Variants in NFATC2IP observed in about 807,000 individuals in gnomAD.
NFATC2IP encodes the protein nuclear factor of activated T cells 2 interacting protein.
In NFATC2IP, 25 loss-of-function variants were observed where a neutral mutation model predicts 40.2. That is an observed-to-expected ratio of 0.62 (90% CI 0.45 to 0.87). The LOEUF (loss-of-function observed/expected upper bound fraction) is 0.87, where lower values mean the gene tolerates loss of function less well. Ranked by LOEUF, NFATC2IP falls within the 40% of genes least tolerant of loss-of-function variation. The probability of loss-of-function intolerance (pLI) is 0.00; values close to 1 mark genes in which losing one functional copy is unlikely to be tolerated. For synonymous variants in NFATC2IP, 241 were observed against 236.3 expected (o/e 1.02, Z -0.18); for missense variants, 553 against 555.6 (o/e 1.00, Z 0.05).
chr16:28,963,875 C>G lies in NFATC2IP; in HGVS notation c.*12C>G, dbSNP rs1965115523. The G allele has an allele frequency of 1.2e-6, 2 of 1,613,650 alleles. No individual in the cohort carries two copies. Among genetic ancestry groups the G allele is most frequent in the South Asian group, 1.1e-5 (1 of 91,056 alleles). On this transcript the variant is annotated 3_prime_UTR_variant, in exon 8 of 8. Transcript: ENST00000320805. ...AGGTCTGGGGCTGACACCCCACTCC[C>G]TGTTTGACGGCCCAGCCTGGACTTG...
At position 28,954,693 on chromosome 16, in the gene NFATC2IP, C is replaced by G. The variant is rs1409964170; in HGVS notation, c.578+11C>G. ...AAAGACAGAGTTTCTGTGAGTGAGGCCAGGGCCCTTGGGCCCTGGGAGCAG... is the reference window on the plus strand; with the variant it reads ...AAAGACAGAGTTTCTGTGAGTGAGGGCAGGGCCCTTGGGCCCTGGGAGCAG... On this transcript the variant is annotated intron_variant, in intron 3 of 7. Transcript: ENST00000320805. 9 of 1,575,734 alleles carry G rather than the reference C, an allele frequency of 5.7e-6. No individual in the cohort carries two copies. Among genetic ancestry groups the G allele is most frequent in the Non-Finnish European group, 7.8e-6 (9 of 1,146,752 alleles).
chr16:28,952,104 G>A, intron 1 of NFATC2IP, 28 bp from the exon 2 acceptor site: 1 of 1,613,512 alleles, frequency 6.2e-7, no homozygotes, highest in South Asian at 1.1e-5. Context: ...ACTTGGGCCT[G>A]ACCCCTCTCC....
Position 28,966,465 on chromosome 16 carries a change from A to C in NFATC2IP, c.*2602A>C, listed in dbSNP as rs949871349. ...CTCTTAAAAAAAAAAAAAAAAAAAA[A>C]TGAGAGAAATCGGCTGGGCATGGTT... On this transcript the variant is annotated 3_prime_UTR_variant, in exon 8 of 8. Transcript: ENST00000320805. The C allele has an allele frequency of 6.8e-6, 1 of 147,238 alleles. No homozygotes were observed. The highest frequency in any genetic ancestry group is 1.5e-5 in the Non-Finnish European group (1 of 66,536). 9.1% of individuals were successfully genotyped at this position (147,238 alleles called of 1,614,324 possible).
rs550207522 is a variant in NFATC2IP at position 28,954,223 on chromosome 16, C to T, written c.461-342C>T. Among the ~76,000 whole-genome samples, 30 of 152,172 alleles carry T rather than the reference C, an allele frequency of 2.0e-4. 1 individual carries two copies. Among genetic ancestry groups the T allele is most frequent in the African/African-American group, 6.7e-4 (28 of 41,522 alleles). The stretch of plus-strand genomic sequence containing the variant: ...GTTCAGAGCCACTGATCTAGGGTTT[C>T]TTATCATTTTTTAATTTTCACAGTA... On this transcript the variant is annotated intron_variant, in intron 2 of 7. Coordinates refer to ENST00000320805, the MANE Select transcript of NFATC2IP (RefSeq NM_032815.4).
In NFATC2IP at chr16:28,967,002, A is replaced by G. The variant is rs937920657; in HGVS notation, c.*3139A>G. On this transcript the variant is annotated 3_prime_UTR_variant, in exon 8 of 8. Coordinates refer to ENST00000320805, the MANE Select transcript of NFATC2IP (RefSeq NM_032815.4). ...AATCCACGACATGGTACAGCTCTTC[A>G]CTTTTTCAGCTTTTTAAATGTCCAT... is the stretch of plus-strand genomic sequence containing the variant. The G allele has an allele frequency of 1.3e-5, 2 of 152,192 alleles. No homozygotes were observed. The highest frequency in any genetic ancestry group is 4.8e-5 in the African/African-American group (2 of 41,446). 9.4% of individuals were successfully genotyped at this position (152,192 alleles called of 1,614,324 possible).
intron 7 of NFATC2IP, 51 bp from the exon 8 acceptor site, chr16:28,963,654 T>A (rs757571825): frequency 6.4e-7 from 1 of 1,565,484 alleles, no homozygotes; most frequent in African/African-American, 1.4e-5. Context: ...CCCTACGGGA[T>A]CCCCGCCCCC....
chr16:28,965,076 G>A lies in NFATC2IP; in HGVS notation c.*1213G>A, dbSNP rs1309142767. ...TTTCTCCTTATCCTTGCCAGCACTT[G>A]TATTGCCAGACTACCTAATTTTTGC... On this transcript the variant is annotated 3_prime_UTR_variant, in exon 8 of 8. Transcript: ENST00000320805. The A allele has an allele frequency of 6.6e-6, 1 of 152,164 alleles. No individual in the cohort carries two copies. The highest frequency in any genetic ancestry group is 6.6e-5 in the Admixed American group (1 of 15,256). 9.4% of individuals were successfully genotyped at this position (152,164 alleles called of 1,614,324 possible).
intron 3 of NFATC2IP, among the ~76,000 whole-genome samples, chr16:28,955,659 C>T (rs970770170): frequency 5.3e-5 from 8 of 152,016 alleles, no homozygotes; most frequent in Non-Finnish European, 8.8e-5. Flanking sequence ...AGTGCAGTGG[C>T]GTGATCATAG....
chr16:28,951,318 C>A lies in NFATC2IP; in HGVS notation c.307C>A (p.Pro103Thr). 1 of 1,406,022 alleles carries A rather than the reference C, an allele frequency of 7.1e-7. No individual in the cohort carries two copies. 87.1% of individuals were successfully genotyped at this position (1,406,022 alleles called of 1,614,324 possible). A position where few individuals can be genotyped will look rare whatever the true frequency, so the allele number is the denominator to read the frequency against. ...GGAGGACAGGCGGCCCGCAGGACCC[C>A]CGCGGGAGCCGGTCAGGCGGCGGCG... ...EGEDRRPAGP[P>T]REPVRRRRRL... Residue 103 changes from proline (P) to threonine (T), a missense_variant, in exon 1 of 8, where the codon CCG (proline) becomes ACG (threonine). Transcript: ENST00000320805.
rs150051038 is a variant in NFATC2IP, at chr16:28,956,314, C to T, written c.823C>T (p.Leu275=). ...ACTCAAAATCCGTTGCCGGGCTGACCTGGTCAGATTGCCCCTCAGGATGGT... is the reference window on the plus strand; with the variant it reads ...ACTCAAAATCCGTTGCCGGGCTGACTTGGTCAGATTGCCCCTCAGGATGGT... ...FPLKIRCRAD[L]VRLPLRMSEP... is the part of the protein sequence containing the mutation. The change falls in exon 5 of 8, where the codon CTG becomes TTG. Residue 275 remains leucine (L), a synonymous_variant. Coordinates refer to ENST00000320805, the MANE Select transcript of NFATC2IP (RefSeq NM_032815.4). 9 of 1,613,896 alleles carry T rather than the reference C, an allele frequency of 5.6e-6. No individual in the cohort carries two copies. In the Admixed American group the frequency reaches 1.3e-4, roughly 24 times the overall value.
At chr16:28,957,615 C>G (rs1392649451) in intron 5 of NFATC2IP, 1 of 151,534 alleles carries the variant, frequency 6.6e-6, no homozygotes, top group Non-Finnish European at 1.5e-5. Flanking sequence ...TGCACTGCAG[C>G]CTGGGTGAGA....
intron 5 of NFATC2IP, among the ~76,000 whole-genome samples, chr16:28,958,037 G>T (rs577863349): frequency 2.0e-4 from 30 of 151,888 alleles, no homozygotes; most frequent in Middle Eastern, 6.8e-3. Context: ...GCGAGACTCT[G>T]CCTCAGATCT....
Position 28,963,892 on chromosome 16 carries a change from C to T in NFATC2IP, c.*29C>T. ...CCCACTCCCTGTTTGACGGCCCAGC[C>T]TGGACTTGGGGAGAATGACTTTCCC... On this transcript the variant is annotated 3_prime_UTR_variant, in exon 8 of 8. Transcript: ENST00000320805. The T allele has an allele frequency of 1.2e-6, 2 of 1,610,810 alleles. No individual in the cohort carries two copies. Among genetic ancestry groups the T allele is most frequent in the Non-Finnish European group, 1.7e-6 (2 of 1,177,332 alleles).
At chr16:28,952,066 C>T in intron 1 of NFATC2IP, 66 bp from the exon 2 acceptor site, 6 of 1,607,196 alleles carry the variant, frequency 3.7e-6, no homozygotes, top group South Asian at 1.1e-5. Context: ...AAGAATTACC[C>T]CCAATTTTTT....
intron 1 of NFATC2IP, among the ~76,000 whole-genome samples, chr16:28,951,626 G>C (rs958508122): frequency 2.0e-5 from 3 of 152,086 alleles, no homozygotes; most frequent in Admixed American, 6.6e-5. Flanking sequence ...GGATTCCTAG[G>C]AGCTAGAGTC....
At chr16:28,962,388 A>G (rs1965098019) in intron 7 of NFATC2IP, among the ~76,000 whole-genome samples, 1 of 152,182 alleles carries the variant, frequency 6.6e-6, no homozygotes, top group Non-Finnish European at 1.5e-5. Context: ...AGGAATCACC[A>G]CATGTTCAAC....
rs1282011860 is a variant in NFATC2IP at position 28,963,786 on chromosome 16, G to A, written c.1183G>A (p.Gly395Arg). 2 of 1,614,174 alleles carry A rather than the reference G, an allele frequency of 1.2e-6. No homozygotes were observed. Among genetic ancestry groups the A allele is most frequent in the Non-Finnish European group, 1.7e-6 (2 of 1,179,990 alleles). The change falls in exon 8 of 8, where the codon GGG becomes AGG. Residue 395 changes from glycine (G) to arginine (R), a missense_variant. Gly to Arg is a moderately radical substitution (Grantham distance 125). Transcript: ENST00000320805. ...SGRKLSFFFD[G>R]TKLSGRELPA... ...ACGGAAGCTCTCCTTCTTCTTTGAT[G>A]GGACAAAGCTTTCAGGCAGGGAGCT...
In NFATC2IP at chr16:28,958,771, C is replaced by T. The variant is rs1450807078; in HGVS notation, c.901C>T (p.Pro301Ser). Residue 301 changes from proline (P) to serine (S), a missense_variant, in exon 6 of 8, where the codon CCA (proline) becomes TCA (serine). Physicochemically the swap from Pro to Ser is moderately conservative, Grantham distance 74 (BLOSUM62 -1). Transcript: ENST00000320805. Reference sequence around the variant, plus strand: ...CATGGCCACCCACCTTGGGGTGTCCCCAAGCAGGATCCTTTTGCTTTTTGG... The same window carrying T: ...CATGGCCACCCACCTTGGGGTGTCCTCAAGCAGGATCCTTTTGCTTTTTGG... ...DHMATHLGVSPSRILLLFGET... is the reference protein window; with the variant it reads ...DHMATHLGVSSSRILLLFGET... 1.9e-6 allele frequency: 3 copies of T among 1,613,908 alleles called. No homozygotes were observed.
At chr16:28,953,259 G>A (rs560428867) in intron 2 of NFATC2IP, among the ~76,000 whole-genome samples, 1 of 152,008 alleles carries the variant, frequency 6.6e-6, no homozygotes, top group African/African-American at 2.4e-5. Flanking sequence ...TTTTAGTAGA[G>A]ATGGGGTTTC....
Sources: allele counts gnomAD v4.1 joint callset (sites outside exome capture counted in the v4.1 genomes callset), GRCh38; gene constraint gnomAD v4.1.1; transcripts MANE v1.5; gene names NCBI Gene and HGNC (gene_info 2026-07-23, HGNC 2026-07-21).